Variants in LDAF1 observed in about 807,000 individuals in gnomAD.
LDAF1 encodes the protein lipid droplet assembly factor 1, also known as PROMETHIN.
A neutral mutation model predicts 13.5 loss-of-function variants in LDAF1; 7 were observed. The ratio of observed to expected loss-of-function variants is 0.52; its 90% CI spans 0.29 to 0.97. LDAF1 has a LOEUF of 0.97. LDAF1 is among the 50% of genes least tolerant of loss of function. The probability of loss-of-function intolerance (pLI) is 0.07; values close to 1 mark genes in which losing one functional copy is unlikely to be tolerated. For missense variants in LDAF1, 148 were observed against 193.2 expected (o/e 0.77, Z 1.39); for synonymous variants, 69 against 77.1 (o/e 0.89, Z 0.55).
At chr16:21,170,309 G>C in intron 2 of LDAF1, 128 bp from the exon 3 acceptor site, 1 of 1,538,470 alleles carries the variant, frequency 6.5e-7, no homozygotes, top group Non-Finnish European at 8.7e-7. Context: ...GGCCTGTAGT[G>C]ACTTGTTAAT....
intron 1 of LDAF1, chr16:21,159,184 C>A: frequency 1.2e-6 from 1 of 862,934 alleles, no homozygotes; most frequent in South Asian, 1.4e-5. Flanking sequence ...CACCGAGGTC[C>A]CCTTCCCCAT....
At chr16:21,173,938 G>T in intron 3 of LDAF1, 72 bp from the exon 4 acceptor site, 1 of 1,459,800 alleles carries the variant, frequency 6.9e-7, no homozygotes, top group South Asian at 1.3e-5. Flanking sequence ...ATTTTAAACA[G>T]ACTGACCCAG....
rs141868930 is a variant in LDAF1, at chr16:21,173,981, C to T, written c.266-29C>T. 1.7e-4 allele frequency: 266 copies of T among 1,603,142 alleles called. No homozygotes were observed. The African/African-American group carries it at 3.3e-3, about 20-fold the overall frequency. On this transcript the variant is annotated intron_variant, in intron 3 of 4. Transcript: ENST00000233047. ...CAGTTTTCAACCTGTTTGAGATGAA[C>T]CCTTCTCCTAACCACGTTCTCCTCC...
chr16:21,175,972 T>G (rs1179226350), intron 4 of LDAF1, among the ~76,000 whole-genome samples: 2 of 152,192 alleles, frequency 1.3e-5, no homozygotes, highest in Non-Finnish European at 2.9e-5. Context: ...CTCAAACTCC[T>G]GGCTTCAAGC....
chr16:21,159,829 C>T, intron 1 of LDAF1: 1 of 851,230 alleles, frequency 1.2e-6, no homozygotes, highest in Non-Finnish European at 1.4e-6. Context: ...CCAAAGGAGA[C>T]CTGTAAGGGG....
chr16:21,164,212 C>T lies in LDAF1; in HGVS notation c.96+2934C>T, dbSNP rs549061124. Among the ~76,000 whole-genome samples, 9 of 152,214 alleles carry T rather than the reference C, an allele frequency of 5.9e-5. No homozygotes were observed. In the East Asian group the frequency reaches 1.2e-3, roughly 20 times the overall value. ...TCTGACCTTGGGCAAGTCACTTAGG[C>T]TCACTGAATTTCCATCTCCTTTTTT... On this transcript the variant is annotated intron_variant, in intron 2 of 4. Coordinates refer to ENST00000233047, the MANE Select transcript of LDAF1 (RefSeq NM_001301771.2).
At chr16:21,171,924 G>A (rs2093092294) in intron 3 of LDAF1, among the ~76,000 whole-genome samples, 1 of 151,976 alleles carries the variant, frequency 6.6e-6, no homozygotes, top group Non-Finnish European at 1.5e-5. Context: ...TTTTGGTAGA[G>A]ATAGGGTTTC....
chr16:21,179,611 C>T lies in LDAF1; in HGVS notation c.*55C>T, dbSNP rs547210794. 4 of 1,514,340 alleles carry T rather than the reference C, an allele frequency of 2.6e-6. No homozygotes were observed. The highest frequency in any genetic ancestry group is 2.7e-6 in the Non-Finnish European group (3 of 1,099,624). 93.8% of individuals were successfully genotyped at this position (1,514,340 alleles called of 1,614,324 possible). ...AAGTACTGCTGGATCATACTCACCCCTTGGGATTATGGCTTAGAAGAAGGG... is the reference window on the plus strand; with the variant it reads ...AAGTACTGCTGGATCATACTCACCCTTTGGGATTATGGCTTAGAAGAAGGG... On this transcript the variant is annotated 3_prime_UTR_variant, in exon 5 of 5. Transcript: ENST00000233047.
chr16:21,158,953 A>G (rs2092926205), intron 1 of LDAF1, among the ~76,000 whole-genome samples: 1 of 151,726 alleles, frequency 6.6e-6, no homozygotes, highest in Non-Finnish European at 1.5e-5. Context: ...GCACGAGGAG[A>G]CACGATTCCT....
chr16:21,168,504 AATAATT>A (rs895072356), intron 2 of LDAF1, among the ~76,000 whole-genome samples: 28 of 146,910 alleles, frequency 1.9e-4, no homozygotes, highest in African/African-American at 5.7e-4. Flanking sequence ...TAATGCTTTT[AATAATT>A]ATAATTATAA....
intron 1 of LDAF1, chr16:21,159,583 C>T: frequency 1.2e-6 from 1 of 807,206 alleles, no homozygotes; most frequent in Non-Finnish European, 1.9e-6. Flanking sequence ...TGGCCTGGCC[C>T]AGTCCCCCAG....
rs1487244077 is a variant in LDAF1, at chr16:21,166,719, TC to T, written c.97-3717del. ...TAAAGATCAGGTGACACAGGGAGCA[TC>T]AAATAAGGATGCATGTGGATTCGAA... On this transcript the variant is annotated intron_variant, in intron 2 of 4. Coordinates refer to ENST00000233047, the MANE Select transcript of LDAF1 (RefSeq NM_001301771.2). 5.3e-6 allele frequency: 4 copies of T among 749,328 alleles called. No individual in the cohort carries two copies. In the Admixed American group the frequency reaches 8.7e-5, roughly 16 times the overall value. 46.4% of individuals were successfully genotyped at this position (749,328 alleles called of 1,614,324 possible).
intron 2 of LDAF1, among the ~76,000 whole-genome samples, chr16:21,168,376 T>C (rs2093046370): frequency 6.6e-6 from 1 of 151,946 alleles, no homozygotes; most frequent in Non-Finnish European, 1.5e-5. Flanking sequence ...AGACAAGTGA[T>C]TAGCTTTTAA....
At chr16:21,178,044 C>A in intron 4 of LDAF1, 1 of 244,148 alleles carries the variant, frequency 4.1e-6, no homozygotes, top group Non-Finnish European at 6.6e-6. Context: ...GGCCCTAAAA[C>A]ATAAAAGATA....
intron 2 of LDAF1, among the ~76,000 whole-genome samples, chr16:21,163,119 G>A (rs1408904358): frequency 1.3e-5 from 2 of 152,190 alleles, no homozygotes; most frequent in Non-Finnish European, 2.9e-5. Context: ...GCACATCACA[G>A]CCTTCTCATG....
At chr16:21,167,342 C>A (rs2152844523) in intron 2 of LDAF1, among the ~76,000 whole-genome samples, 1 of 152,328 alleles carries the variant, frequency 6.6e-6, no homozygotes, top group Non-Finnish European at 1.5e-5. Flanking sequence ...CAGGAAGGAC[C>A]AGTTATGATG....
At chr16:21,159,449 C>A (rs1252216673) in intron 1 of LDAF1, 5 of 1,611,672 alleles carry the variant, frequency 3.1e-6, no homozygotes, top group Non-Finnish European at 4.2e-6. Flanking sequence ...CATCCCCCAA[C>A]CAGAGATGTG....
intron 4 of LDAF1, 58 bp downstream of exon 4, chr16:21,174,206 T>C (rs914998620): frequency 4.7e-6 from 7 of 1,499,394 alleles, no homozygotes; most frequent in South Asian, 1.3e-5. Flanking sequence ...TTTTGTTTTT[T>C]TGAGACAAGG....
chr16:21,167,696 G>GTTTTTTTTTTTTTT (rs778992036), intron 2 of LDAF1, among the ~76,000 whole-genome samples: 3,755 of 88,902 alleles, frequency 0.042, 647 homozygotes, highest in African/African-American at 0.084. Flanking sequence ...CCTTAGGTTT[G>GTTTTTTTTTTTTTT]TTTTTTTTTT....
Sources: allele counts gnomAD v4.1 joint callset (sites outside exome capture counted in the v4.1 genomes callset), GRCh38; gene constraint gnomAD v4.1.1; transcripts MANE v1.5; gene names NCBI Gene and HGNC (gene_info 2026-07-23, HGNC 2026-07-21).